BCAS3: variants seen among roughly 807,000 people sequenced by gnomAD.
The protein encoded by BCAS3 is BCAS4/BCAS3 fusion.
Under a neutral mutation model 116.1 loss-of-function variants are expected in BCAS3, and 53 were observed. That is an observed-to-expected ratio of 0.46 (90% CI 0.37 to 0.57). The LOEUF (loss-of-function observed/expected upper bound fraction) is 0.57, where lower values mean the gene tolerates loss of function less well. Among genes scored for constraint, BCAS3 ranks in the 20% least tolerant of loss-of-function variants. The pLI is 0.00. For synonymous variants in BCAS3, 391 were observed against 408.2 expected (o/e 0.96, Z 0.51); for missense variants, 917 against 1,165.4 (o/e 0.79, Z 3.10).
At chr17:61,185,035 TA>T (rs911343378) in intron 22 of BCAS3, among the ~76,000 whole-genome samples, 139 of 147,056 alleles carry the variant, frequency 9.5e-4, no homozygotes, top group South Asian at 6.2e-3. Context: ...CTATATGCAT[TA>T]AAAAAAAAAC....
Position 61,186,962 on chromosome 17 carries a change from G to A in BCAS3, c.2425+102398G>A, listed in dbSNP as rs560248272. ...CCTGACCTCGTGATCCACCCACCTCGGCCTCCCAAAGTGCTGGGATTACAA... is the reference window on the plus strand; with the variant it reads ...CCTGACCTCGTGATCCACCCACCTCAGCCTCCCAAAGTGCTGGGATTACAA... On this transcript the variant is annotated intron_variant, in intron 22 of 23. Coordinates refer to ENST00000407086, the MANE Select transcript of BCAS3 (RefSeq NM_017679.5). The surrounding 1 kb of genome is among the most constrained non-coding windows in gnomAD (Gnocchi z 4.9). 6.9e-4 allele frequency among the ~76,000 whole-genome samples: 105 copies of A among 152,160 alleles called. No homozygotes were observed. The highest frequency in any genetic ancestry group is 5.4e-3 in the South Asian group (26 of 4,818).
intron 23 of BCAS3, among the ~76,000 whole-genome samples, chr17:61,382,040 G>T (rs1364077803): frequency 1.3e-5 from 2 of 152,000 alleles, no homozygotes; most frequent in Non-Finnish European, 2.9e-5. Flanking sequence ...CTCTCATAAA[G>T]CCTGGGGCCG....
rs186172951 is a variant in BCAS3 at position 60,832,857 on chromosome 17, C to T, written c.476+24781C>T. Among the ~76,000 whole-genome samples the T allele has an allele frequency of 5.3e-5, 8 of 152,254 alleles. No homozygotes were observed. The East Asian group carries it at 1.5e-3, about 29-fold the overall frequency. On this transcript the variant is annotated intron_variant, in intron 7 of 23. Coordinates refer to ENST00000407086, the MANE Select transcript of BCAS3 (RefSeq NM_017679.5). ...AGAACCTAAAAGACATTTCTCTAAT[C>T]TTTGTGAAAGTTAATATCATTCCAC...
At position 61,147,713 on chromosome 17, in the gene BCAS3, AC is replaced by A. The variant is rs111686838; in HGVS notation, c.2425+63151del. Among the ~76,000 whole-genome samples, 364 of 152,020 alleles carry A rather than the reference AC, an allele frequency of 2.4e-3. 1 individual carries two copies. The highest frequency in any genetic ancestry group is 8.4e-3 in the African/African-American group (349 of 41,514). On this transcript the variant is annotated intron_variant, in intron 22 of 23. Coordinates refer to ENST00000407086, the MANE Select transcript of BCAS3 (RefSeq NM_017679.5). ...AGAAATGTATAAGTTGGGGCGGGGCACCGTGGCTCACGCCTGTAATCCCAGC... is the reference window on the plus strand; with the variant it reads ...AGAAATGTATAAGTTGGGGCGGGGCACGTGGCTCACGCCTGTAATCCCAGC...
At chr17:61,183,520 A>G (rs2079596304) in intron 22 of BCAS3, among the ~76,000 whole-genome samples, 1 of 152,120 alleles carries the variant, frequency 6.6e-6, no homozygotes, top group Non-Finnish European at 1.5e-5. Flanking sequence ...TTTCTACATG[A>G]TGTTTGTTAA....
At chr17:61,383,131 G>A (rs1229598431) in intron 23 of BCAS3, 1 of 152,484 alleles carries the variant, frequency 6.6e-6, no homozygotes, top group Non-Finnish European at 1.5e-5. Context: ...CGTGTACAGG[G>A]AGGGGGCGGG....
intron 7 of BCAS3, chr17:60,821,645 TC>T (rs1190120495): frequency 1.3e-5 from 2 of 152,192 alleles, no homozygotes; most frequent in Admixed American, 6.5e-5. Flanking sequence ...CTTTGGTTAC[TC>T]AGCGTATTTA....
In BCAS3 at chr17:60,713,944, A is replaced by G. The variant is rs187029208; in HGVS notation, c.321+4619A>G. 6.6e-5 allele frequency among the ~76,000 whole-genome samples: 10 copies of G among 152,114 alleles called. No individual in the cohort carries two copies. In the South Asian group the frequency reaches 1.0e-3, roughly 16 times the overall value. On this transcript the variant is annotated intron_variant, in intron 5 of 23. Transcript: ENST00000407086. Reference sequence around the variant, plus strand: ...TGCCTCCTGGGTTCAAGTGATTTTCATGTCTCAGCCTCCTGAGTAGCTGGA... The same window carrying G: ...TGCCTCCTGGGTTCAAGTGATTTTCGTGTCTCAGCCTCCTGAGTAGCTGGA...
intron 14 of BCAS3, among the ~76,000 whole-genome samples, chr17:60,976,916 CA>C (rs2062423233): frequency 6.6e-6 from 1 of 152,194 alleles, no homozygotes; most frequent in Admixed American, 6.5e-5. Flanking sequence ...ACAAAACCGC[CA>C]TCGTCATCAT....
At chr17:61,275,488 G>A (rs150059893) in intron 22 of BCAS3, among the ~76,000 whole-genome samples, 55 of 152,092 alleles carry the variant, frequency 3.6e-4, no homozygotes, top group Non-Finnish European at 6.5e-4. Context: ...GCGGCAGAGA[G>A]AAAGGGCAAA....
At chr17:60,789,821 A>C (rs1390472362) in intron 6 of BCAS3, among the ~76,000 whole-genome samples, 2 of 152,226 alleles carry the variant, frequency 1.3e-5, no homozygotes, top group Non-Finnish European at 2.9e-5. Context: ...GGAAAAAACA[A>C]GTTAATAGCT....
intron 22 of BCAS3, among the ~76,000 whole-genome samples, chr17:61,109,049 G>C (rs572277176): frequency 2.6e-5 from 4 of 152,134 alleles, no homozygotes; most frequent in East Asian, 3.9e-4. Flanking sequence ...AGCTGGGCGT[G>C]GTAGTACATG....
intron 22 of BCAS3, among the ~76,000 whole-genome samples, chr17:61,182,281 AGTT>A (rs774020936): frequency 3.3e-5 from 5 of 152,170 alleles, no homozygotes; most frequent in Non-Finnish European, 5.9e-5. Flanking sequence ...ATTTTTAGCT[AGTT>A]GTTTATTAAC....
intron 7 of BCAS3, among the ~76,000 whole-genome samples, chr17:60,816,432 G>A (rs1217780508): frequency 2.0e-5 from 3 of 151,676 alleles, no homozygotes; most frequent in African/African-American, 4.8e-5. Context: ...GCACCACCAC[G>A]CCCAGCTAAT....
At chr17:60,922,471 CATT>C (rs1238353575) in intron 12 of BCAS3, among the ~76,000 whole-genome samples, 6 of 151,728 alleles carry the variant, frequency 4.0e-5, no homozygotes, top group African/African-American at 1.5e-4. Flanking sequence ...AATTTATTCT[CATT>C]AATTGATAGG....
intron 6 of BCAS3, among the ~76,000 whole-genome samples, chr17:60,799,401 T>A (rs2047496068): frequency 6.6e-6 from 1 of 152,130 alleles, no homozygotes; most frequent in African/African-American, 2.4e-5. Flanking sequence ...AAGATCTCCC[T>A]TATGCTACCT....
intron 6 of BCAS3, among the ~76,000 whole-genome samples, chr17:60,762,239 A>G (rs2043612811): frequency 6.6e-6 from 1 of 152,064 alleles, no homozygotes; most frequent in Non-Finnish European, 1.5e-5. Context: ...TTTTATTGCC[A>G]TTGCTTTTGG....
Position 61,379,662 on chromosome 17 carries a change from T to C in BCAS3, c.2593+11168T>C, listed in dbSNP as rs1426413352. ...ACCTGCCGGCCCACTGCATAAGACA[T>C]TTTTTAATTTGCTGGCAAAATCCCC... On this transcript the variant is annotated intron_variant, in intron 23 of 23. Coordinates refer to ENST00000407086, the MANE Select transcript of BCAS3 (RefSeq NM_017679.5). The surrounding 1 kb of genome is among the most constrained non-coding windows in gnomAD (Gnocchi z 5.5). 2 of 152,366 alleles carry C rather than the reference T, an allele frequency of 1.3e-5. No homozygotes were observed. The highest frequency in any genetic ancestry group is 2.9e-5 in the Non-Finnish European group (2 of 68,070). 9.4% of individuals were successfully genotyped at this position (152,366 alleles called of 1,614,324 possible).
intron 7 of BCAS3, among the ~76,000 whole-genome samples, chr17:60,854,934 T>C (rs138812045): frequency 1.3e-5 from 2 of 151,948 alleles, no homozygotes; most frequent in East Asian, 1.9e-4. Flanking sequence ...ATTTTTCTTA[T>C]TTATTTTCAG....
Sources: allele counts gnomAD v4.1 joint callset (sites outside exome capture counted in the v4.1 genomes callset), GRCh38; gene constraint gnomAD v4.1.1; non-coding constraint Gnocchi (gnomAD v3.1); transcripts MANE v1.5; gene names NCBI Gene and HGNC (gene_info 2026-07-23, HGNC 2026-07-21).